Variants in CENPP observed in about 807,000 individuals in gnomAD.
CENPP encodes centromere protein P.
A neutral mutation model predicts 35.6 loss-of-function variants in CENPP; 24 were observed. That is an observed-to-expected ratio of 0.67 (90% CI 0.49 to 0.95). The LOEUF is 0.95. Ranked by LOEUF, CENPP falls within the 40% of genes least tolerant of loss-of-function variation. CENPP has a pLI of 0.00. For missense variants in CENPP, 332 were observed against 345.3 expected (o/e 0.96, Z 0.31); for synonymous variants, 120 against 125.5 (o/e 0.96, Z 0.29).
chr9:92,454,294 C>T (rs182745449), intron 5 of CENPP, among the ~76,000 whole-genome samples: 39 of 152,206 alleles, frequency 2.6e-4, no homozygotes, highest in Non-Finnish European at 5.0e-4. Context: ...AGAATCATTT[C>T]CAGTATTTTA....
intron 5 of CENPP, among the ~76,000 whole-genome samples, chr9:92,558,950 G>T (rs978219057): frequency 6.6e-6 from 1 of 151,920 alleles, no homozygotes; most frequent in Non-Finnish European, 1.5e-5. Context: ...CAGTTCCCAC[G>T]CAAACTGCAA....
chr9:92,458,808 A>T (rs530940224), intron 5 of CENPP, among the ~76,000 whole-genome samples: 8 of 152,328 alleles, frequency 5.3e-5, no homozygotes, highest in Admixed American at 2.6e-4. Flanking sequence ...TGGAAAAGTC[A>T]AAGCAAAAGT....
At chr9:92,384,559 T>G (rs1842350568) in intron 5 of CENPP, 2 of 152,188 alleles carry the variant, frequency 1.3e-5, no homozygotes, top group Non-Finnish European at 1.5e-5. Flanking sequence ...CATCATAAAT[T>G]ATTACTCTCA....
intron 5 of CENPP, among the ~76,000 whole-genome samples, chr9:92,407,190 G>A (rs903583289): frequency 6.6e-6 from 1 of 152,072 alleles, no homozygotes; most frequent in African/African-American, 2.4e-5. Context: ...TTTTTATTGG[G>A]GCTTTATTAA....
At chr9:92,352,505 G>GTGTGTGTGTGTA in intron 4 of CENPP, among the ~76,000 whole-genome samples, 5 of 49,788 alleles carry the variant, frequency 1.0e-4, no homozygotes, top group African/African-American at 3.6e-4. Context: ...GTGTGTGTGT[G>GTGTGTGTGTGTA]TATACATATA....
At chr9:92,458,134 A>C (rs993722660) in intron 5 of CENPP, among the ~76,000 whole-genome samples, 3 of 152,232 alleles carry the variant, frequency 2.0e-5, no homozygotes, top group African/African-American at 7.2e-5. Flanking sequence ...CCAGTGGACA[A>C]GTCACAATTT....
At position 92,619,867 on chromosome 9, in the gene CENPP, CCA is replaced by C; in HGVS notation, c.*6721_*6722del. On this transcript the variant is annotated 3_prime_UTR_variant, in exon 8 of 8. Coordinates refer to ENST00000375587, the MANE Select transcript of CENPP (RefSeq NM_001012267.3). ...GGATGATCTGTCTTCAGCAAGGTCA[CCA>C]CAGTCGGCCTTTGGAAGGAAAAGCA... 2.4e-6 allele frequency: 1 copy of C among 409,338 alleles called. No individual in the cohort carries two copies. Among genetic ancestry groups the C allele is most frequent in the Non-Finnish European group, 4.6e-6 (1 of 218,452 alleles). 25.4% of individuals were successfully genotyped at this position (409,338 alleles called of 1,614,324 possible). A position where few individuals can be genotyped will look rare whatever the true frequency, so the allele number is the denominator to read the frequency against.
rs546192618 is a variant in CENPP at position 92,495,967 on chromosome 9, T to TA, written c.565-115346dup. On this transcript the variant is annotated intron_variant, in intron 5 of 7. Transcript: ENST00000375587. ...AAGATACATAATTTTTAAAGGGACT[T>TA]ACAGAGTTCTCAGCTAACACCAGTA... 2.3e-3 allele frequency: 2,227 copies of TA among 989,586 alleles called. 3 individuals are homozygous for TA. Among genetic ancestry groups the TA allele is most frequent in the Non-Finnish European group, 2.5e-3 (2,087 of 832,866 alleles). 61.3% of individuals were successfully genotyped at this position (989,586 alleles called of 1,614,324 possible).
At chr9:92,510,071 G>T in intron 5 of CENPP, 1 of 1,572,372 alleles carries the variant, frequency 6.4e-7, no homozygotes, top group Non-Finnish European at 8.6e-7. Flanking sequence ...TTTTTATCTA[G>T]TCACAGCTGT....
chr9:92,383,039 G>A (rs997554153), intron 5 of CENPP, among the ~76,000 whole-genome samples: 2 of 151,642 alleles, frequency 1.3e-5, no homozygotes, highest in African/African-American at 4.8e-5. Flanking sequence ...GGGATTACAG[G>A]CACCCGCCAC....
At chr9:92,449,903 C>T (rs1314862914) in intron 5 of CENPP, among the ~76,000 whole-genome samples, 1 of 152,128 alleles carries the variant, frequency 6.6e-6, no homozygotes, top group Non-Finnish European at 1.5e-5. Flanking sequence ...ATAAATTACC[C>T]AGTGTCAGGT....
chr9:92,325,947 C>G (rs910253635), upstream of CENPP: 49 of 1,447,956 alleles, frequency 3.4e-5, no homozygotes, highest in African/African-American at 5.3e-4. Context: ...GTGAAGCGCG[C>G]AGGTCGGAGT....
chr9:92,521,810 A>G (rs1315869142), intron 5 of CENPP, among the ~76,000 whole-genome samples: 2 of 152,204 alleles, frequency 1.3e-5, no homozygotes, highest in African/African-American at 4.8e-5. Flanking sequence ...TGTAATAGCC[A>G]TATGTTCACA....
At chr9:92,418,988 T>G (rs1410461354) in intron 5 of CENPP, among the ~76,000 whole-genome samples, 2 of 152,172 alleles carry the variant, frequency 1.3e-5, no homozygotes, top group East Asian at 3.8e-4. Context: ...TACAAAAATA[T>G]TATTAAAAAC....
chr9:92,453,008 T>C (rs1384479586), intron 5 of CENPP, among the ~76,000 whole-genome samples: 1 of 152,196 alleles, frequency 6.6e-6, no homozygotes, highest in Non-Finnish European at 1.5e-5. Flanking sequence ...TTATTAGTCT[T>C]GCTAGGGGTC....
Position 92,509,815 on chromosome 9 carries a change from G to A in CENPP, c.565-101499G>A, listed in dbSNP as rs1398140599. Reference sequence around the variant, plus strand: ...AAAAATATTTACTATTTATTCATTTGGCAATACAGTAAATAAAATTTCTAC... The same window carrying A: ...AAAAATATTTACTATTTATTCATTTAGCAATACAGTAAATAAAATTTCTAC... On this transcript the variant is annotated intron_variant, in intron 5 of 7. Transcript: ENST00000375587. 20 of 1,354,440 alleles carry A rather than the reference G, an allele frequency of 1.5e-5. No individual in the cohort carries two copies. In the East Asian group the frequency reaches 4.8e-4, roughly 32 times the overall value. 83.9% of individuals were successfully genotyped at this position (1,354,440 alleles called of 1,614,324 possible).
chr9:92,588,913 G>A (rs1349600403), intron 5 of CENPP, among the ~76,000 whole-genome samples: 1 of 152,116 alleles, frequency 6.6e-6, no homozygotes, highest in Non-Finnish European at 1.5e-5. Context: ...GCCCATGAGA[G>A]GTGAATGTAT....
At chr9:92,334,466 C>T (rs915979130) in intron 2 of CENPP, among the ~76,000 whole-genome samples, 3 of 152,106 alleles carry the variant, frequency 2.0e-5, no homozygotes, top group African/African-American at 7.2e-5. Flanking sequence ...TTTTGATTAG[C>T]TTTAAATGTA....
intron 5 of CENPP, chr9:92,610,696 C>T (rs529328303): frequency 6.6e-6 from 1 of 152,574 alleles, no homozygotes; most frequent in South Asian, 2.1e-4. Flanking sequence ...AAGGTAGGCC[C>T]TTTCCCTTAC....
Sources: gnomAD v4.1 joint callset for allele counts (sites outside exome capture counted in the v4.1 genomes callset) on GRCh38, gnomAD v4.1.1 for gene constraint, MANE v1.5 for transcripts, NCBI Gene and HGNC (gene_info 2026-07-23, HGNC 2026-07-21) for gene names.